The following ZNF385D variants were observed in gnomAD, a reference collection of about 807,000 sequenced individuals.
The protein encoded by ZNF385D is zinc finger protein 659.
A neutral mutation model predicts 35.8 loss-of-function variants in ZNF385D; 15 were observed. The ratio of observed to expected loss-of-function variants is 0.42; its 90% confidence interval spans 0.28 to 0.64. The LOEUF is 0.64. Ranked by LOEUF, ZNF385D falls within the 30% of genes least tolerant of loss-of-function variation. The probability of loss-of-function intolerance (pLI) is 0.23; values close to 1 mark genes in which losing one functional copy is unlikely to be tolerated. For synonymous variants in ZNF385D, 212 were observed against 186.8 expected (o/e 1.13, Z -1.10); for missense variants, 474 against 494.6 (o/e 0.96, Z 0.39).
intron 2 of ZNF385D, among the ~76,000 whole-genome samples, chr3:22,205,703 A>G (rs532180848): frequency 1.3e-5 from 2 of 152,050 alleles, no homozygotes; most frequent in Non-Finnish European, 2.9e-5. Context: ...ATGGGTTACA[A>G]GATATTATTT....
chr3:21,965,884 T>C (rs1702885896), intron 3 of ZNF385D, among the ~76,000 whole-genome samples: 1 of 152,094 alleles, frequency 6.6e-6, no homozygotes, highest in Admixed American at 6.5e-5. Context: ...GAGATAACAA[T>C]AAAGCAAATG....
At chr3:22,065,402 G>A (rs9865743) in intron 3 of ZNF385D, among the ~76,000 whole-genome samples, 9,042 of 152,240 alleles carry the variant, frequency 0.059, 898 homozygotes, top group African/African-American at 0.2. Context: ...AATGATGCCT[G>A]CTTTTCTAAA....
intron 3 of ZNF385D, among the ~76,000 whole-genome samples, chr3:22,136,209 C>T (rs1704093709): frequency 6.6e-6 from 1 of 152,124 alleles, no homozygotes; most frequent in Non-Finnish European, 1.5e-5. Context: ...CATGGTGAAA[C>T]CTCATCTCTA....
chr3:22,127,317 CTTTTT>C (rs71044975), intron 3 of ZNF385D, among the ~76,000 whole-genome samples: 4 of 56,326 alleles, frequency 7.1e-5, no homozygotes, highest in Non-Finnish European at 1.3e-4. Context: ...TCATTTCCTG[CTTTTT>C]TTTTTTTTTT....
chr3:21,904,378 T>A (rs1283707598), intron 3 of ZNF385D, among the ~76,000 whole-genome samples: 1 of 151,998 alleles, frequency 6.6e-6, no homozygotes, highest in Non-Finnish European at 1.5e-5. Context: ...AGTATATATT[T>A]TTCTGCTTGT....
chr3:21,437,721 C>CAAAAAAAAAAAAAAA (rs1701642298), intron 4 of ZNF385D, among the ~76,000 whole-genome samples: 1 of 10,940 alleles, frequency 9.1e-5, no homozygotes, highest in African/African-American at 2.6e-4. Context: ...AAAAAAAAAC[C>CAAAAAAAAAAAAAAA]GGAACCCTGA....
intron 3 of ZNF385D, among the ~76,000 whole-genome samples, chr3:21,994,726 C>T (rs1315351285): frequency 6.6e-6 from 1 of 152,168 alleles, no homozygotes; most frequent in Non-Finnish European, 1.5e-5. Flanking sequence ...ATCAATAGTG[C>T]TGATTGTGTA....
At chr3:22,049,540 C>A (rs552290623) in intron 3 of ZNF385D, among the ~76,000 whole-genome samples, 2 of 152,006 alleles carry the variant, frequency 1.3e-5, no homozygotes, top group Non-Finnish European at 2.9e-5. Flanking sequence ...CTAGCTACAA[C>A]TTCTAGTACT....
chr3:21,959,628 C>T (rs956553300), intron 3 of ZNF385D, among the ~76,000 whole-genome samples: 27 of 152,242 alleles, frequency 1.8e-4, no homozygotes, highest in African/African-American at 6.0e-4. Context: ...AGCCTAGTCA[C>T]CATGGTCTCC....
At chr3:21,922,818 C>A (rs897467432) in intron 3 of ZNF385D, among the ~76,000 whole-genome samples, 1 of 152,072 alleles carries the variant, frequency 6.6e-6, no homozygotes, top group Non-Finnish European at 1.5e-5. Context: ...GGCTTCCACA[C>A]AGCAAAAGAA....
intron 2 of ZNF385D, among the ~76,000 whole-genome samples, chr3:21,593,840 T>TA (rs2064052905): frequency 6.6e-6 from 1 of 151,498 alleles, no homozygotes; most frequent in Non-Finnish European, 1.5e-5. Flanking sequence ...AAGAGGTTCT[T>TA]GGGGAGGCAA....
At chr3:21,834,583 G>T (rs1559672704) in intron 3 of ZNF385D, among the ~76,000 whole-genome samples, 1 of 152,122 alleles carries the variant, frequency 6.6e-6, no homozygotes, top group Non-Finnish European at 1.5e-5. Flanking sequence ...CCCTACCTTT[G>T]TACTCCCAGC....
At chr3:21,551,394 G>A (rs2062563910) in intron 3 of ZNF385D, among the ~76,000 whole-genome samples, 1 of 152,140 alleles carries the variant, frequency 6.6e-6, no homozygotes, top group Admixed American at 6.5e-5. Context: ...GGTGAAATTA[G>A]GAGTATGTCT....
At chr3:22,009,479 C>T (rs747560026) in intron 3 of ZNF385D, among the ~76,000 whole-genome samples, 3 of 151,704 alleles carry the variant, frequency 2.0e-5, no homozygotes, top group Non-Finnish European at 2.9e-5. Flanking sequence ...AAAAATTAGC[C>T]GGGCGTGGTG....
intron 2 of ZNF385D, among the ~76,000 whole-genome samples, chr3:22,259,455 G>A (rs1005166956): frequency 1.3e-5 from 2 of 151,814 alleles, no homozygotes; most frequent in Non-Finnish European, 2.9e-5. Flanking sequence ...CTTTCAAGTA[G>A]AATTGACATT....
At chr3:22,162,747 T>G (rs1706045350) in intron 3 of ZNF385D, among the ~76,000 whole-genome samples, 4 of 152,216 alleles carry the variant, frequency 2.6e-5, no homozygotes. Context: ...TTATGCATGT[T>G]AATACATTTG....
chr3:22,358,351 G>A (rs1696249759), intron 2 of ZNF385D, among the ~76,000 whole-genome samples: 1 of 151,864 alleles, frequency 6.6e-6, no homozygotes, highest in Non-Finnish European at 1.5e-5. Flanking sequence ...TATGCCCAAG[G>A]TGGCAGAGCC....
intron 3 of ZNF385D, among the ~76,000 whole-genome samples, chr3:22,115,400 G>A (rs201962572): frequency 1.3e-5 from 2 of 152,062 alleles, no homozygotes; most frequent in African/African-American, 4.8e-5. Flanking sequence ...GAGAACATAG[G>A]TGTCCTTTGG....
At chr3:21,845,806 G>A (rs1695970156) in intron 3 of ZNF385D, among the ~76,000 whole-genome samples, 2 of 152,094 alleles carry the variant, frequency 1.3e-5, no homozygotes, top group South Asian at 4.1e-4. Flanking sequence ...AACTTGTAAA[G>A]GAGAGGCTTG....
Sources: allele counts gnomAD v4.1 joint callset (sites outside exome capture counted in the v4.1 genomes callset), GRCh38; gene constraint gnomAD v4.1.1; transcripts MANE v1.5; gene names NCBI Gene and HGNC (gene_info 2026-07-23, HGNC 2026-07-21).